Variants in UHRF1 observed in about 807,000 individuals in gnomAD.
UHRF1 encodes the protein E3 ubiquitin-protein ligase UHRF1.
In UHRF1, 9 loss-of-function variants were observed where a neutral mutation model predicts 96.5. The observed-to-expected ratio is 0.09, with a 90% CI of 0.06 to 0.16. UHRF1 has a LOEUF of 0.16. Ranked by LOEUF, UHRF1 falls within the 10% of genes least tolerant of loss-of-function variation. The pLI, the probability that UHRF1 is intolerant of heterozygous loss-of-function variation, is 1.00. For synonymous variants in UHRF1, 455 were observed against 469.9 expected (o/e 0.97, Z 0.41); for missense variants, 626 against 1,131.1 (o/e 0.55, Z 6.40).
chr19:4,951,452 G>T (rs1441332470), intron 13 of UHRF1, among the ~76,000 whole-genome samples: 1 of 152,082 alleles, frequency 6.6e-6, no homozygotes, highest in East Asian at 1.9e-4. Context: ...TCGGGCCCAT[G>T]CTTCCCTGGT....
intron 13 of UHRF1, among the ~76,000 whole-genome samples, chr19:4,953,257 G>A (rs2033767010): frequency 2.0e-5 from 3 of 152,156 alleles, no homozygotes; most frequent in African/African-American, 7.2e-5. Context: ...CCCCTTACCA[G>A]GGGGACACTT....
chr19:4,954,940 C>A lies in UHRF1; in HGVS notation c.2130+118C>A. 7.7e-7 allele frequency: 1 copy of A among 1,306,274 alleles called. No homozygotes were observed. The highest frequency in any genetic ancestry group is 1.1e-6 in the Non-Finnish European group (1 of 938,302). The allele number at this position is 1,306,274 out of a possible 1,614,324, so 80.9% of individuals were successfully genotyped here. A position where few individuals can be genotyped will look rare whatever the true frequency, so the allele number is the denominator to read the frequency against. On this transcript the variant is annotated intron_variant, in intron 15 of 16. Coordinates refer to ENST00000650932, the MANE Select transcript of UHRF1 (RefSeq NM_001048201.3). The surrounding 1 kb of genome is among the most constrained non-coding windows in gnomAD (Gnocchi z 5.9). ...ACAGCTCAGTCGCACTGAGTACATT[C>A]TTGTGGTTGTGCAACCATCACCACC...
intron 3 of UHRF1, among the ~76,000 whole-genome samples, chr19:4,929,860 G>A (rs184497337): frequency 1.3e-5 from 2 of 152,012 alleles, no homozygotes; most frequent in East Asian, 1.9e-4. Context: ...GGGTGCAGCC[G>A]TGTGATCACA....
At chr19:4,914,833 C>T (rs557719163) in intron 2 of UHRF1, among the ~76,000 whole-genome samples, 21 of 152,246 alleles carry the variant, frequency 1.4e-4, no homozygotes, top group African/African-American at 3.4e-4. Flanking sequence ...CACGCTGCAG[C>T]GCAGTGCGAA....
In UHRF1 at chr19:4,950,891, C is replaced by T. The variant is rs372223549; in HGVS notation, c.1713C>T (p.Ser571=). The T allele has an allele frequency of 3.7e-6, 6 of 1,613,790 alleles. No individual in the cohort carries two copies. The Admixed American group carries it at 5.0e-5, about 13-fold the overall frequency. ...AATACTGGCCCGAGAAGGGGAAGTC[C>T]GGGTTTCTCGTGTGGCGCTACCTTC... ...VVKYWPEKGK[S]GFLVWRYLLR... Residue 571 remains serine (S), a synonymous_variant, in exon 13 of 17, where the codon TCC becomes TCT. Transcript: ENST00000650932.
chr19:4,909,624 A>G lies in UHRF1; in HGVS notation c.-42A>G. ...CCATCCCCAGCCGGGCCACGCGCGC[A>G]GGCAGACAAGCTGTTCGCGGCGACC... is the stretch of plus-strand genomic sequence containing the variant. On this transcript the variant is annotated 5_prime_UTR_variant, in exon 1 of 17. Coordinates refer to ENST00000650932, the MANE Select transcript of UHRF1 (RefSeq NM_001048201.3). 1 of 611,280 alleles carries G rather than the reference A, an allele frequency of 1.6e-6. No individual in the cohort carries two copies. The highest frequency in any genetic ancestry group is 2.9e-6 in the Non-Finnish European group (1 of 346,218). The allele number at this position is 611,280 out of a possible 1,614,324, so 37.9% of individuals were successfully genotyped here.
chr19:4,933,956 T>TG (rs1378424536), intron 5 of UHRF1, among the ~76,000 whole-genome samples: 1 of 69,362 alleles, frequency 1.4e-5, no homozygotes, highest in African/African-American at 5.5e-5. Context: ...CCCTTGCCTC[T>TG]TTGTGTGTGT....
chr19:4,942,061 C>T (rs541201877), intron 7 of UHRF1, 130 bp downstream of exon 7: 22 of 1,048,754 alleles, frequency 2.1e-5, no homozygotes, highest in Middle Eastern at 2.4e-4. Context: ...TTTGGGAGGC[C>T]GAGGCGGGAG....
chr19:4,925,233 T>C (rs2032830891), intron 2 of UHRF1, among the ~76,000 whole-genome samples: 2 of 152,204 alleles, frequency 1.3e-5, no homozygotes, highest in African/African-American at 4.8e-5. Flanking sequence ...GCAGTCTATT[T>C]TAGAACATTT....
At chr19:4,928,190 C>T (rs951751414) in intron 2 of UHRF1, among the ~76,000 whole-genome samples, 1 of 151,990 alleles carries the variant, frequency 6.6e-6, no homozygotes, top group Non-Finnish European at 1.5e-5. Context: ...TAGGTGGAGG[C>T]CAGGGACGCT....
upstream of UHRF1, among the ~76,000 whole-genome samples, chr19:4,908,755 C>G (rs1385698919): frequency 6.6e-6 from 1 of 152,194 alleles, no homozygotes; most frequent in Non-Finnish European, 1.5e-5. Flanking sequence ...TTGCCTGTCT[C>G]CCCCAGATAG....
intron 11 of UHRF1, among the ~76,000 whole-genome samples, chr19:4,950,125 C>G (rs911064491): frequency 6.6e-6 from 1 of 150,618 alleles, no homozygotes; most frequent in Non-Finnish European, 1.5e-5. Flanking sequence ...CCTGCCTTGG[C>G]CTCCCAGAGT....
upstream of UHRF1, among the ~76,000 whole-genome samples, chr19:4,908,659 C>T (rs1314644101): frequency 2.0e-5 from 3 of 152,178 alleles, no homozygotes; most frequent in Admixed American, 6.5e-5. Flanking sequence ...GAGAGAGTAT[C>T]CTCTCTCCCC....
intron 2 of UHRF1, among the ~76,000 whole-genome samples, chr19:4,920,405 C>G (rs1242746578): frequency 2.0e-5 from 3 of 151,912 alleles, no homozygotes; most frequent in Middle Eastern, 3.2e-3. Flanking sequence ...GCAGTTCAGC[C>G]TGGGTGACAG....
chr19:4,915,858 G>A (rs571222061), intron 2 of UHRF1, among the ~76,000 whole-genome samples: 1 of 152,232 alleles, frequency 6.6e-6, no homozygotes, highest in East Asian at 1.9e-4. Flanking sequence ...GAATGCTGCT[G>A]TGGAATGTGC....
At chr19:4,950,796 G>T in intron 12 of UHRF1, 23 bp downstream of exon 12, 1 of 1,613,084 alleles carries the variant, frequency 6.2e-7, no homozygotes, top group Non-Finnish European at 8.5e-7. Context: ...TGAGGAGGCC[G>T]GGGGCTCTGT....
At position 4,913,872 on chromosome 19, in the gene UHRF1, C is replaced by T. The variant is rs542104860; in HGVS notation, c.153+2834C>T. The stretch of plus-strand genomic sequence containing the variant: ...TATTGCCCAAGGTGGAGTGCAATTG[C>T]GTGATCTCGGCTTACCTCAACCTCC... On this transcript the variant is annotated intron_variant, in intron 2 of 16. Coordinates refer to ENST00000650932, the MANE Select transcript of UHRF1 (RefSeq NM_001048201.3). Among the ~76,000 whole-genome samples the T allele has an allele frequency of 2.7e-4, 35 of 129,118 alleles. 1 individual carries two copies. Among genetic ancestry groups the T allele is most frequent in the African/African-American group, 9.3e-4 (31 of 33,156 alleles). The allele number at this position is 129,118 out of a possible 152,430, so 84.7% of individuals were successfully genotyped here. A position where few individuals can be genotyped will look rare whatever the true frequency, so the allele number is the denominator to read the frequency against.
At chr19:4,913,157 CATA>C (rs1199778744) in intron 2 of UHRF1, among the ~76,000 whole-genome samples, 1 of 151,480 alleles carries the variant, frequency 6.6e-6, no homozygotes, top group Non-Finnish European at 1.5e-5. Flanking sequence ...TCATTTGTAA[CATA>C]ATACTTGAGT....
intron 2 of UHRF1, among the ~76,000 whole-genome samples, chr19:4,925,732 G>C (rs2032846999): frequency 6.6e-6 from 1 of 152,072 alleles, no homozygotes; most frequent in Non-Finnish European, 1.5e-5. Flanking sequence ...ATGTTGACCA[G>C]GGTGGTCTCA....
Sources: allele counts gnomAD v4.1 joint callset (sites outside exome capture counted in the v4.1 genomes callset), GRCh38; gene constraint gnomAD v4.1.1; non-coding constraint Gnocchi (gnomAD v3.1); transcripts MANE v1.5; gene names NCBI Gene and HGNC (gene_info 2026-07-23, HGNC 2026-07-21).